MTCL1: variants seen among roughly 807,000 people sequenced by gnomAD.
MTCL1 encodes microtubule cross-linking factor 1.
In MTCL1, 79 loss-of-function variants were observed where a neutral mutation model predicts 141.4. The observed-to-expected ratio is 0.56, with a 90% CI of 0.47 to 0.67. The LOEUF (loss-of-function observed/expected upper bound fraction) is 0.67, where lower values mean the gene tolerates loss of function less well. MTCL1 is among the 30% of genes least tolerant of loss of function. MTCL1 has a pLI of 0.00. For synonymous variants in MTCL1, 914 were observed against 875.8 expected, an observed-to-expected ratio of 1.04 and a Z score of -0.77; for missense variants, 2,177 against 2,113.9, an observed-to-expected ratio of 1.03 and a Z score of -0.59.
intron 4 of MTCL1, among the ~76,000 whole-genome samples, chr18:8,740,769 C>T (rs2096298369): frequency 6.6e-6 from 1 of 152,192 alleles, no homozygotes; most frequent in East Asian, 1.9e-4. Context: ...AGGGGTGAGC[C>T]ACCGCACCCG....
intron 12 of MTCL1, 74 bp from the exon 12 acceptor site, chr18:8,818,889 G>C (rs2076748779): frequency 6.9e-7 from 1 of 1,452,914 alleles, no homozygotes; most frequent in South Asian, 1.3e-5. Flanking sequence ...GCAAATTGTG[G>C]AGAAACGATG....
rs761266939 is a variant in MTCL1 at position 8,821,463 on chromosome 18, A to T, written c.3157-4A>T. The T allele has an allele frequency of 9.7e-6, 14 of 1,441,626 alleles. No homozygotes were observed. The highest frequency in any genetic ancestry group is 1.4e-5 in the African/African-American group (1 of 71,368). 89.3% of individuals were successfully genotyped at this position (1,441,626 alleles called of 1,614,324 possible). A position where few individuals can be genotyped will look rare whatever the true frequency, so the allele number is the denominator to read the frequency against. On this transcript the variant is annotated splice_region_variant and splice_polypyrimidine_tract_variant and intron_variant, in intron 13 of 16. Transcript: ENST00000359865. ...ATTCAGATGAAGTTATTTCTTCTTT[A>T]TAGGAAGAAGAAAATCACAAAGGAA... is the stretch of plus-strand genomic sequence containing the variant.
At chr18:8,725,917 G>A (rs2096207229) in intron 4 of MTCL1, among the ~76,000 whole-genome samples, 2 of 151,278 alleles carry the variant, frequency 1.3e-5, no homozygotes, top group South Asian at 4.2e-4. Context: ...AGCCTCCGGA[G>A]CAGCTGGGAC....
chr18:8,764,499 G>A (rs903618880), intron 4 of MTCL1, among the ~76,000 whole-genome samples: 1 of 151,978 alleles, frequency 6.6e-6, no homozygotes, highest in Non-Finnish European at 1.5e-5. Context: ...TGTATTTTTA[G>A]TAGAGACAGG....
intron 11 of MTCL1, chr18:8,809,364 A>G (rs2076403615): frequency 6.7e-7 from 1 of 1,489,738 alleles, no homozygotes; most frequent in South Asian, 1.3e-5. Flanking sequence ...CAACAAGCCC[A>G]ACAGAAATCA....
Position 8,705,728 on chromosome 18 carries a change from A to G in MTCL1, c.68A>G (p.His23Arg), listed in dbSNP as rs2148729452. Residue 23 changes from histidine (H) to arginine (R), a missense_variant, in exon 1 of 14, where the codon CAC becomes CGC. By Grantham distance (29) the His-to-Arg change is conservative. Transcript: ENST00000306329. This position sits in a 1 kb window ranked among gnomAD's most constrained non-coding sequence, Gnocchi z 5.2. ...GCGAAGCTGCAGCCGCCCGGCCAGC[A>G]CCACCGCCACCACCACCTCCACCCG... The G allele has an allele frequency of 8.3e-7, 1 of 1,204,684 alleles. No individual in the cohort carries two copies. The highest frequency in any genetic ancestry group is 1.0e-6 in the Non-Finnish European group (1 of 970,340). 74.6% of individuals were successfully genotyped at this position (1,204,684 alleles called of 1,614,324 possible).
At chr18:8,764,483 A>T (rs1373023659) in intron 4 of MTCL1, among the ~76,000 whole-genome samples, 1 of 151,812 alleles carries the variant, frequency 6.6e-6, no homozygotes, top group East Asian at 1.9e-4. Context: ...CACCCGGATA[A>T]TTTTTTGTAT....
At chr18:8,832,214 A>G (rs1453397476) in exon 17 of MTCL1, 1 of 190,058 alleles carries the variant, frequency 5.3e-6, no homozygotes, top group Non-Finnish European at 1.1e-5. Flanking sequence ...GTTTATTTCC[A>G]TGTTGAATTA....
chr18:8,743,896 G>A (rs2096319445), intron 4 of MTCL1, among the ~76,000 whole-genome samples: 2 of 152,186 alleles, frequency 1.3e-5, no homozygotes, highest in Admixed American at 6.5e-5. Context: ...TACTATAGTA[G>A]GAAAGCAAAA....
intron 4 of MTCL1, among the ~76,000 whole-genome samples, chr18:8,762,797 G>GTCCTCTCGGTGA (rs932801157): frequency 6.6e-6 from 1 of 152,198 alleles, no homozygotes; most frequent in African/African-American, 2.4e-5. Context: ...AGGAAAAGCA[G>GTCCTCTCGGTGA]GAGGACTGAG....
At chr18:8,706,087 C>T (rs1305077619) in exon 1 of MTCL1, 14 of 1,203,788 alleles carry the variant, frequency 1.2e-5, no homozygotes, top group Non-Finnish European at 1.4e-5. Flanking sequence ...GCCGCTGTCC[C>T]GGGCTGGGAA....
At chr18:8,821,917 A>AG (rs150146820) in intron 14 of MTCL1, among the ~76,000 whole-genome samples, 6,484 of 152,334 alleles carry the variant, frequency 0.043, 206 homozygotes, top group Middle Eastern at 0.082. Flanking sequence ...TTCTGGCAGT[A>AG]GTCCTTGAAG....
chr18:8,734,997 C>T (rs8095514), intron 4 of MTCL1, among the ~76,000 whole-genome samples: 64,248 of 152,014 alleles, frequency 0.42, 13,826 homozygotes, highest in African/African-American at 0.47. Context: ...CCCAAACTGG[C>T]GTTTTGTGAA....
At chr18:8,826,283 G>C (rs1262720602) in intron 15 of MTCL1, 51 bp downstream of exon 14, 2 of 1,447,924 alleles carry the variant, frequency 1.4e-6, no homozygotes, top group South Asian at 2.8e-5. Context: ...CTTCCCTTTA[G>C]CTGTGGGGCA....
intron 4 of MTCL1, among the ~76,000 whole-genome samples, chr18:8,727,474 A>G (rs998149611): frequency 3.3e-5 from 5 of 152,250 alleles, no homozygotes; most frequent in South Asian, 2.1e-4. Flanking sequence ...TGATGTTTTA[A>G]TAACAGCCAT....
chr18:8,760,332 A>G (rs913493110), intron 4 of MTCL1, among the ~76,000 whole-genome samples: 1 of 152,236 alleles, frequency 6.6e-6, no homozygotes, highest in Non-Finnish European at 1.5e-5. Context: ...AATGAGAACA[A>G]GAGTCCCCAC....
chr18:8,791,612 A>G (rs2075729036), intron 7 of MTCL1, among the ~76,000 whole-genome samples: 1 of 152,106 alleles, frequency 6.6e-6, no homozygotes, highest in African/African-American at 2.4e-5. Context: ...AAAGGCAAGC[A>G]AACAGGAGAA....
chr18:8,724,551 C>T (rs2096195152), intron 4 of MTCL1, among the ~76,000 whole-genome samples: 1 of 152,136 alleles, frequency 6.6e-6, no homozygotes, highest in African/African-American at 2.4e-5. Context: ...ATTTCTAGTC[C>T]TTTCCTTTTG....
rs60847546 is a variant in MTCL1, at chr18:8,828,234, C to T, written c.4723-674C>T. Among the ~76,000 whole-genome samples the T allele has an allele frequency of 7.8e-3, 1,184 of 152,240 alleles. 8 individuals carry two copies. The highest frequency in any genetic ancestry group is 0.027 in the African/African-American group (1,126 of 41,512). ...AGTGCGCTGTTGCGGAATCTTTCCC[C>T]GAATGTTCACTCAGGCATCCACACC... On this transcript the variant is annotated intron_variant, in intron 15 of 16. Transcript: ENST00000359865. This position sits in a 1 kb window ranked among gnomAD's most constrained non-coding sequence, Gnocchi z 5.2.
Sources: gnomAD v4.1 joint callset for allele counts (sites outside exome capture counted in the v4.1 genomes callset) on GRCh38, gnomAD v4.1.1 for gene constraint, Gnocchi (gnomAD v3.1) non-coding constraint, MANE v1.5 for transcripts, NCBI Gene and HGNC (gene_info 2026-07-23, HGNC 2026-07-21) for gene names.